IL1RAPL1: variants seen among roughly 807,000 people sequenced by gnomAD.
IL1RAPL1 encodes interleukin-1 receptor accessory protein-like 1.
IL1RAPL1 carries 3 observed loss-of-function variants against 48.4 expected under a neutral mutation model. The observed-to-expected ratio is 0.06, with a 90% CI of 0.03 to 0.16. IL1RAPL1 has a LOEUF of 0.16. Among genes scored for constraint, IL1RAPL1 ranks in the 10% least tolerant of loss-of-function variants. The pLI is 1.00. For synonymous variants in IL1RAPL1, 185 were observed against 187.7 expected (o/e 0.99, Z 0.12); for missense variants, 349 against 530.6 (o/e 0.66, Z 3.36).
At chrX:28,836,336 TTATATATATATA>T (rs34343530) in intron 2 of IL1RAPL1, among the ~76,000 whole-genome samples, 14 of 85,317 alleles carry the variant, frequency 1.6e-4, no homozygotes, top group African/African-American at 5.6e-4. Flanking sequence ...CTTCCCAATT[TTATATATATATA>T]TATATATATA....
At chrX:28,948,298 A>G (rs944857575) in intron 2 of IL1RAPL1, among the ~76,000 whole-genome samples, 3 of 111,533 alleles carry the variant, frequency 2.7e-5, no homozygotes, top group African/African-American at 9.8e-5. Context: ...TTCTGGATAC[A>G]TCAGCTGTGA....
At chrX:28,945,046 A>G (rs1601970155) in intron 2 of IL1RAPL1, among the ~76,000 whole-genome samples, 1 of 111,434 alleles carries the variant, frequency 9.0e-6, no homozygotes, top group East Asian at 2.8e-4. Context: ...CAAAACCACA[A>G]TGAGATACCA....
chrX:28,975,075 C>T (rs770046968), intron 2 of IL1RAPL1, among the ~76,000 whole-genome samples: 1 of 111,967 alleles, frequency 8.9e-6, no homozygotes, highest in South Asian at 3.7e-4. Flanking sequence ...TATGTCCCTA[C>T]TCCTAAAATT....
intron 3 of IL1RAPL1, among the ~76,000 whole-genome samples, chrX:29,360,376 G>A (rs893965306): frequency 3.5e-4 from 39 of 111,778 alleles, no homozygotes; most frequent in African/African-American, 1.1e-3. Flanking sequence ...TCAGGGTTTC[G>A]TAAATTGGTT....
At chrX:29,317,063 G>C (rs1932773125) in intron 3 of IL1RAPL1, among the ~76,000 whole-genome samples, 3 of 111,090 alleles carry the variant, frequency 2.7e-5, no homozygotes, top group African/African-American at 9.8e-5. Flanking sequence ...ATTTGTGACG[G>C]GCTAAGGATT....
intron 5 of IL1RAPL1, among the ~76,000 whole-genome samples, chrX:29,496,155 A>T (rs748240257): frequency 1.3e-3 from 142 of 111,806 alleles, no homozygotes; most frequent in Non-Finnish European, 2.4e-3. Flanking sequence ...TTTACCTTTC[A>T]CCTATATATG....
chrX:28,925,871 A>C (rs887023049), intron 2 of IL1RAPL1, among the ~76,000 whole-genome samples: 6 of 112,009 alleles, frequency 5.4e-5, no homozygotes, highest in African/African-American at 9.7e-5. Flanking sequence ...CAGTGAGCCA[A>C]GATCGTGCTA....
chrX:28,847,762 T>A (rs766948186), intron 2 of IL1RAPL1, among the ~76,000 whole-genome samples: 1 of 111,744 alleles, frequency 8.9e-6, no homozygotes, highest in African/African-American at 3.3e-5. Context: ...CACCTCTGCT[T>A]AGTGAGTCCT....
intron 2 of IL1RAPL1, among the ~76,000 whole-genome samples, chrX:28,987,198 A>G (rs1925496253): frequency 8.9e-6 from 1 of 112,367 alleles, no homozygotes; most frequent in African/African-American, 3.2e-5. Context: ...CTGACTTAAC[A>G]GCAAAGTCAA....
At chrX:28,784,810 T>C (rs1936458749) in intron 1 of IL1RAPL1, among the ~76,000 whole-genome samples, 1 of 111,107 alleles carries the variant, frequency 9.0e-6, no homozygotes, top group African/African-American at 3.3e-5. Flanking sequence ...TTTCTACCTA[T>C]AAAAGGAGTC....
intron 2 of IL1RAPL1, among the ~76,000 whole-genome samples, chrX:28,956,416 A>G (rs1257175377): frequency 9.0e-6 from 1 of 110,602 alleles, no homozygotes; most frequent in Non-Finnish European, 1.9e-5. Context: ...GATAGCTGTT[A>G]TTATTTTGAG....
At chrX:29,562,136 A>G (rs966179033) in intron 5 of IL1RAPL1, among the ~76,000 whole-genome samples, 13 of 95,003 alleles carry the variant, frequency 1.4e-4, no homozygotes, top group Non-Finnish European at 2.5e-4. Context: ...CTATCTATCT[A>G]TCTATCTATC....
intron 6 of IL1RAPL1, among the ~76,000 whole-genome samples, chrX:29,802,769 A>ATATATATATGTGTGTG (rs1929955452): frequency 7.2e-5 from 2 of 27,637 alleles, no homozygotes; most frequent in African/African-American, 4.5e-4. Context: ...ATATATATAT[A>ATATATATATGTGTGTG]TATATATATA....
At chrX:29,657,010 G>A (rs1042514747) in intron 5 of IL1RAPL1, among the ~76,000 whole-genome samples, 1 of 110,689 alleles carries the variant, frequency 9.0e-6, no homozygotes, top group African/African-American at 3.3e-5. Flanking sequence ...ATCTTTCTGG[G>A]TACTAAGCCT....
intron 2 of IL1RAPL1, among the ~76,000 whole-genome samples, chrX:29,037,513 TAACA>T (rs1401430895): frequency 8.9e-6 from 1 of 111,865 alleles, no homozygotes; most frequent in Non-Finnish European, 1.9e-5. Context: ...TTCTCTATTT[TAACA>T]ATCAATGTAC....
intron 6 of IL1RAPL1, among the ~76,000 whole-genome samples, chrX:29,764,451 G>A (rs1279927877): frequency 2.7e-5 from 3 of 111,923 alleles, no homozygotes; most frequent in Non-Finnish European, 5.6e-5. Context: ...GCAATAGGTT[G>A]CAAGTTATAA....
At chrX:29,248,672 G>A (rs1004589086) in intron 2 of IL1RAPL1, among the ~76,000 whole-genome samples, 2 of 112,014 alleles carry the variant, frequency 1.8e-5, no homozygotes, top group African/African-American at 6.5e-5. Flanking sequence ...GTTAAAAAAT[G>A]GTATAGAGAA....
intron 6 of IL1RAPL1, among the ~76,000 whole-genome samples, chrX:29,793,196 C>T (rs1450433782): frequency 8.9e-6 from 1 of 112,227 alleles, no homozygotes; most frequent in Non-Finnish European, 1.9e-5. Flanking sequence ...ACAACATATA[C>T]ATCACCTCCT....
At chrX:29,670,523 C>G (rs1317579642) in intron 6 of IL1RAPL1, among the ~76,000 whole-genome samples, 1 of 111,447 alleles carries the variant, frequency 9.0e-6, no homozygotes, top group Non-Finnish European at 1.9e-5. Flanking sequence ...TAGAGAAATT[C>G]AACCTTAATC....
Sources: gnomAD v4.1 joint callset for allele counts (sites outside exome capture counted in the v4.1 genomes callset) on GRCh38, gnomAD v4.1.1 for gene constraint, MANE v1.5 for transcripts, NCBI Gene and HGNC (gene_info 2026-07-23, HGNC 2026-07-21) for gene names.